CCNA2: variants seen among roughly 807,000 people sequenced by gnomAD.
CCNA2 encodes the protein cyclin A2, also known as cyclin-A2.
A neutral mutation model predicts 49.4 loss-of-function variants in CCNA2; 3 were observed. The ratio of observed to expected loss-of-function variants is 0.06; its 90% confidence interval spans 0.03 to 0.16. The LOEUF is 0.16. CCNA2 is among the 10% of genes least tolerant of loss of function. The pLI, the probability that CCNA2 is intolerant of heterozygous loss-of-function variation, is 1.00. For synonymous variants in CCNA2, 206 were observed against 197.2 expected (o/e 1.04, Z -0.37); for missense variants, 372 against 519.7 (o/e 0.72, Z 2.76).
intron 5 of CCNA2, 32 bp downstream of exon 5, chr4:121,819,340 A>G: frequency 1.3e-6 from 2 of 1,536,362 alleles, no homozygotes; most frequent in Non-Finnish European, 1.8e-6. Flanking sequence ...TTACCAAAGA[A>G]TCACCATTCA....
Position 121,817,118 on chromosome 4 carries a change from A to C in CCNA2, c.*520T>G, listed in dbSNP as rs1290730284. 1 of 358,662 alleles carries C rather than the reference A, an allele frequency of 2.8e-6. No individual in the cohort carries two copies. Among genetic ancestry groups the C allele is most frequent in the East Asian group, 5.4e-5 (1 of 18,358 alleles). 22.2% of individuals were successfully genotyped at this position (358,662 alleles called of 1,614,324 possible). A position where few individuals can be genotyped will look rare whatever the true frequency, so the allele number is the denominator to read the frequency against. The stretch of plus-strand genomic sequence containing the variant: ...CAAAACCTAAACAAACAGGTTTTAC[A>C]AAGAGCGAAAAAGTCTGGGGAATCT... On this transcript the variant is annotated 3_prime_UTR_variant, in exon 8 of 8. Transcript: ENST00000274026.
Position 121,823,299 on chromosome 4 carries a change from A to T in CCNA2, c.213+117T>A. 2.3e-6 allele frequency: 3 copies of T among 1,277,360 alleles called. No individual in the cohort carries two copies. The South Asian group carries it at 4.6e-5, about 20-fold the overall frequency. The allele number at this position is 1,277,360 out of a possible 1,614,324, so 79.1% of individuals were successfully genotyped here. A position where few individuals can be genotyped will look rare whatever the true frequency, so the allele number is the denominator to read the frequency against. ...CACACCAGCACCAACTGCACTCCAG[A>T]CCCTGGCCCCCTTCCAAAAGCCCAG... On this transcript the variant is annotated intron_variant, in intron 1 of 7. Transcript: ENST00000274026.
intron 4 of CCNA2, 87 bp from the exon 5 acceptor site, chr4:121,819,666 G>T: frequency 1.2e-6 from 1 of 847,958 alleles, no homozygotes; most frequent in Non-Finnish European, 1.9e-6. Flanking sequence ...AGCAGAATAT[G>T]GAATGAATCC....
rs1319190616 is a variant in CCNA2 at position 121,823,346 on chromosome 4, TCTC to T, written c.213+67_213+69del. 5.3e-6 allele frequency: 8 copies of T among 1,499,332 alleles called. No homozygotes were observed. In the East Asian group the frequency reaches 1.9e-4, roughly 36 times the overall value. The allele number at this position is 1,499,332 out of a possible 1,614,324, so 92.9% of individuals were successfully genotyped here. A position where few individuals can be genotyped will look rare whatever the true frequency, so the allele number is the denominator to read the frequency against. On this transcript the variant is annotated intron_variant, in intron 1 of 7. Coordinates refer to ENST00000274026, the MANE Select transcript of CCNA2 (RefSeq NM_001237.5). Reference sequence around the variant, plus strand: ...CCAGGACATGCCTTCTCGCCACTCTTCTCTGCCTGCTAAGCCAATGCCAAACCC... The same window carrying T: ...CCAGGACATGCCTTCTCGCCACTCTTTGCCTGCTAAGCCAATGCCAAACCC...
At position 121,820,220 on chromosome 4, in the gene CCNA2, C is replaced by T. The variant is rs560920712; in HGVS notation, c.794+322G>A. Among the ~76,000 whole-genome samples the T allele has an allele frequency of 5.3e-4, 81 of 152,082 alleles. No individual in the cohort carries two copies. The highest frequency in any genetic ancestry group is 3.2e-3 in the Middle Eastern group (1 of 316). On this transcript the variant is annotated intron_variant, in intron 4 of 7. Coordinates refer to ENST00000274026, the MANE Select transcript of CCNA2 (RefSeq NM_001237.5). The surrounding 1 kb of genome is among the most constrained non-coding windows in gnomAD (Gnocchi z 4.1). ...CCTCCCAAAGTGCTGGGATTACAGGCGCGAGCCACCGCACCCAGCCTTTAC... is the reference window on the plus strand; with the variant it reads ...CCTCCCAAAGTGCTGGGATTACAGGTGCGAGCCACCGCACCCAGCCTTTAC...
chr4:121,823,377 C>T (rs1397354133), intron 1 of CCNA2, 39 bp downstream of exon 1: 3 of 1,571,842 alleles, frequency 1.9e-6, no homozygotes, highest in South Asian at 2.3e-5. Context: ...CCAAACCCTG[C>T]TCGACCCACC....
At position 121,817,117 on chromosome 4, in the gene CCNA2, C is replaced by CAAAG. The variant is rs1354057093; in HGVS notation, c.*517_*520dup. ...GCAAAACCTAAACAAACAGGTTTTA[C>CAAAG]AAAGAGCGAAAAAGTCTGGGGAATC... On this transcript the variant is annotated 3_prime_UTR_variant, in exon 8 of 8. Coordinates refer to ENST00000274026, the MANE Select transcript of CCNA2 (RefSeq NM_001237.5). 5.5e-6 allele frequency: 2 copies of CAAAG among 366,094 alleles called. No individual in the cohort carries two copies. Among genetic ancestry groups the CAAAG allele is most frequent in the African/African-American group, 2.1e-5 (1 of 46,984 alleles). The allele number at this position is 366,094 out of a possible 1,614,324, so 22.7% of individuals were successfully genotyped here. A position where few individuals can be genotyped will look rare whatever the true frequency, so the allele number is the denominator to read the frequency against.
Position 121,816,553 on chromosome 4 carries a change from A to T in CCNA2, c.*1085T>A. On this transcript the variant is annotated 3_prime_UTR_variant, in exon 8 of 8. Transcript: ENST00000274026. Reference sequence around the variant, plus strand: ...TTGCCACATGACTATAAACAAAAAGACATCCCTTTTTCATTAGAGATCCAT... The same window carrying T: ...TTGCCACATGACTATAAACAAAAAGTCATCCCTTTTTCATTAGAGATCCAT... 1.2e-6 allele frequency: 1 copy of T among 851,366 alleles called. No individual in the cohort carries two copies. The highest frequency in any genetic ancestry group is 2.6e-5 in the East Asian group (1 of 38,160). 52.7% of individuals were successfully genotyped at this position (851,366 alleles called of 1,614,324 possible).
chr4:121,822,464 A>G lies in CCNA2; in HGVS notation c.396T>C (p.Ile132=), dbSNP rs200618568. 17 of 1,614,066 alleles carry G rather than the reference A, an allele frequency of 1.1e-5. No homozygotes were observed. The highest frequency in any genetic ancestry group is 1.4e-5 in the Non-Finnish European group (16 of 1,180,020). The stretch of plus-strand genomic sequence containing the variant: ...ATGGTTTTCTGGGTCCAGGTAAACT[A>G]ATGGCTGAATTAAAAGCCAGGGCAT... The part of the protein sequence containing the change: ...REDALAFNSA[I]SLPGPRKPLV... The change falls in exon 2 of 8, where the codon ATT becomes ATC. Residue 132 remains isoleucine (I), a synonymous_variant. Transcript: ENST00000274026.
In CCNA2 at chr4:121,820,103, G is replaced by C. The variant is rs538794460; in HGVS notation, c.794+439C>G. Among the ~76,000 whole-genome samples the C allele has an allele frequency of 9.2e-5, 14 of 151,940 alleles. No homozygotes were observed. The highest frequency in any genetic ancestry group is 2.1e-4 in the Non-Finnish European group (14 of 67,932). On this transcript the variant is annotated intron_variant, in intron 4 of 7. Transcript: ENST00000274026. The surrounding 1 kb of genome is among the most constrained non-coding windows in gnomAD (Gnocchi z 4.1). Reference sequence around the variant, plus strand: ...TTACAGGCATGCATCACCATGCCCAGCTAATTTTTGTATTTTTAGTAGAGA... The same window carrying C: ...TTACAGGCATGCATCACCATGCCCACCTAATTTTTGTATTTTTAGTAGAGA...
chr4:121,822,739 A>G lies in CCNA2; in HGVS notation c.214-93T>C, dbSNP rs560736729. 9 of 1,279,694 alleles carry G rather than the reference A, an allele frequency of 7.0e-6. No individual in the cohort carries two copies. In the South Asian group the frequency reaches 1.3e-4, roughly 18 times the overall value. The allele number at this position is 1,279,694 out of a possible 1,614,324, so 79.3% of individuals were successfully genotyped here. On this transcript the variant is annotated intron_variant, in intron 1 of 7. Coordinates refer to ENST00000274026, the MANE Select transcript of CCNA2 (RefSeq NM_001237.5). ...CTTTGCTTTTTCTCCCAAATACTCT[A>G]TCAGGAATTAAACTTTCTGGGACAA...
Position 121,820,610 on chromosome 4 carries a change from G to A in CCNA2, c.726C>T (p.Phe242=). Residue 242 remains phenylalanine (F), a synonymous_variant, in exon 4 of 8, where the codon TTC becomes TTT. Coordinates refer to ENST00000274026, the MANE Select transcript of CCNA2 (RefSeq NM_001237.5). The surrounding 1 kb of genome is among the most constrained non-coding windows in gnomAD (Gnocchi z 4.1). ...LHLAVNYIDR[F]LSSMSVLRGK... is the part of the protein sequence containing the mutation. ...CTCTCAGCACTGACATGGAAGACAG[G>A]AACCTATCAATGTAGTTCACAGCCA... 1 of 1,614,118 alleles carries A rather than the reference G, an allele frequency of 6.2e-7. No individual in the cohort carries two copies. Among genetic ancestry groups the A allele is most frequent in the Non-Finnish European group, 8.5e-7 (1 of 1,179,988 alleles).
intron 2 of CCNA2, 89 bp from the exon 3 acceptor site, chr4:121,821,180 T>G: frequency 6.9e-7 from 1 of 1,448,468 alleles, no homozygotes; most frequent in Non-Finnish European, 9.2e-7. Flanking sequence ...GAATCTCATA[T>G]TAACAAAGCA....
chr4:121,819,607 A>C, intron 4 of CCNA2, 28 bp from the exon 5 acceptor site: 1 of 1,480,586 alleles, frequency 6.8e-7, no homozygotes, highest in South Asian at 1.2e-5. Flanking sequence ...TTAAGTAATC[A>C]GTCCTAAAAG....
At chr4:121,819,709 GATC>G (rs1724639670) in intron 4 of CCNA2, 130 bp from the exon 5 acceptor site, 1 of 646,660 alleles carries the variant, frequency 1.5e-6, no homozygotes, top group East Asian at 2.6e-5. Flanking sequence ...CCAGACACTT[GATC>G]ATCATTTCTA....
chr4:121,823,655 A>ATC lies in CCNA2; in HGVS notation c.-29_-28dup. The ATC allele has an allele frequency of 6.5e-7, 1 of 1,544,396 alleles. No homozygotes were observed. Among genetic ancestry groups the ATC allele is most frequent in the Admixed American group, 1.9e-5 (1 of 51,834 alleles). On this transcript the variant is annotated 5_prime_UTR_variant, in exon 1 of 8. Coordinates refer to ENST00000274026, the MANE Select transcript of CCNA2 (RefSeq NM_001237.5). ...ACTGCTCCCGGGAGTGGACGGCGGG[A>ATC]TCAGCCTGCGGCGCCAAGCAGCGTG...
Position 121,823,493 on chromosome 4 carries a change from T to A in CCNA2, c.136A>T (p.Thr46Ser), listed in dbSNP as rs1424448075. ...TTCAGTACCGCCAGCGCGGCCCGGG[T>A]CCGCGGTTGTTGGACGGGCGCTGCC... Reference protein sequence around the residue: ...EKAAPVQQPRTRAALAVLKSG... With the variant: ...EKAAPVQQPRSRAALAVLKSG... Residue 46 changes from threonine to serine, a missense_variant, in exon 1 of 8, where the codon ACC (threonine) becomes TCC (serine). This residue lies in a region of CCNA2 where 217 missense variants were observed against 231.7 expected (regional missense o/e 0.94). Coordinates refer to ENST00000274026, the MANE Select transcript of CCNA2 (RefSeq NM_001237.5). 3 of 1,613,282 alleles carry A rather than the reference T, an allele frequency of 1.9e-6. No homozygotes were observed. Among genetic ancestry groups the A allele is most frequent in the Admixed American group, 3.3e-5 (2 of 59,926 alleles).
chr4:121,823,644 T>G lies in CCNA2; in HGVS notation c.-16A>C, dbSNP rs765954111. 4 of 1,559,842 alleles carry G rather than the reference T, an allele frequency of 2.6e-6. No homozygotes were observed. The highest frequency in any genetic ancestry group is 3.5e-6 in the Non-Finnish European group (4 of 1,157,522). ...TGCCCAACATCACTGCTCCCGGGAGTGGACGGCGGGATCAGCCTGCGGCGC... is the reference window on the plus strand; with the variant it reads ...TGCCCAACATCACTGCTCCCGGGAGGGGACGGCGGGATCAGCCTGCGGCGC... On this transcript the variant is annotated 5_prime_UTR_variant, in exon 1 of 8. Coordinates refer to ENST00000274026, the MANE Select transcript of CCNA2 (RefSeq NM_001237.5).
intron 6 of CCNA2, 83 bp from the exon 7 acceptor site, chr4:121,818,260 G>A: frequency 8.0e-7 from 1 of 1,245,166 alleles, no homozygotes. Flanking sequence ...TTAAGCTTAT[G>A]TTAAATTCCA....
Sources: gnomAD v4.1 joint callset for allele counts (sites outside exome capture counted in the v4.1 genomes callset) on GRCh38, gnomAD v4.1.1 for gene constraint, gnomAD v4.1.1 regional missense constraint, Gnocchi (gnomAD v3.1) non-coding constraint, MANE v1.5 for transcripts, NCBI Gene and HGNC (gene_info 2026-07-23, HGNC 2026-07-21) for gene names.